The following UBE4A variants were observed in gnomAD, a reference collection of about 807,000 sequenced individuals.
UBE4A encodes the protein ubiquitin conjugation factor E4 A.
Under a neutral mutation model 117.9 loss-of-function variants are expected in UBE4A, and 48 were observed. The ratio of observed to expected loss-of-function variants is 0.41; its 90% CI spans 0.32 to 0.52. The LOEUF (loss-of-function observed/expected upper bound fraction) is 0.52, where lower values mean the gene tolerates loss of function less well. UBE4A is among the 20% of genes least tolerant of loss of function. The pLI is 0.33. For missense variants in UBE4A, 1,067 were observed against 1,296.3 expected (o/e 0.82, Z 2.72); for synonymous variants, 407 against 450.0 (o/e 0.90, Z 1.21).
intron 17 of UBE4A, among the ~76,000 whole-genome samples, chr11:118,390,445 TA>T (rs1183497857): frequency 6.9e-6 from 1 of 145,862 alleles, no homozygotes; most frequent in African/African-American, 2.5e-5. Flanking sequence ...ATAATTATAA[TA>T]AAATATATAT....
intron 4 of UBE4A, among the ~76,000 whole-genome samples, chr11:118,370,284 TTTC>T (rs1948598880): frequency 6.6e-6 from 1 of 152,146 alleles, no homozygotes; most frequent in Non-Finnish European, 1.5e-5. Context: ...CCCATCGCTT[TTTC>T]TTCTTTATAT....
chr11:118,373,976 T>C (rs961481435), intron 8 of UBE4A, among the ~76,000 whole-genome samples: 2 of 151,994 alleles, frequency 1.3e-5, no homozygotes, highest in African/African-American at 2.4e-5. Flanking sequence ...TAGGTGGGCA[T>C]GGTGGCAAGC....
At chr11:118,368,930 A>G (rs561056704) in intron 3 of UBE4A, 126 bp downstream of exon 3, 34 of 961,250 alleles carry the variant, frequency 3.5e-5, no homozygotes, top group African/African-American at 3.3e-4. Flanking sequence ...CCTGGAACTC[A>G]GGGTTTATAT....
chr11:118,388,734 A>G (rs1948783729), intron 16 of UBE4A, among the ~76,000 whole-genome samples: 3 of 152,198 alleles, frequency 2.0e-5, no homozygotes, highest in Non-Finnish European at 4.4e-5. Flanking sequence ...TGAAAATAGT[A>G]AAAATGTCCA....
intron 15 of UBE4A, among the ~76,000 whole-genome samples, chr11:118,385,175 G>A (rs375942170): frequency 6.6e-6 from 1 of 152,082 alleles, no homozygotes; most frequent in Admixed American, 6.6e-5. Flanking sequence ...TCATGAGATG[G>A]ACATTTTGGC....
At chr11:118,380,134 C>CGTGTGTGTGTGCGT (rs1948689960) in intron 11 of UBE4A, among the ~76,000 whole-genome samples, 2 of 136,938 alleles carry the variant, frequency 1.5e-5, no homozygotes. Flanking sequence ...TGTGTGTGTG[C>CGTGTGTGTGTGCGT]GTGTGTGTGT....
intron 16 of UBE4A, 33 bp from the exon 17 acceptor site, chr11:118,389,692 T>C: frequency 3.2e-6 from 5 of 1,551,656 alleles, no homozygotes; most frequent in East Asian, 4.6e-5. Flanking sequence ...TGCTAATGGA[T>C]TGAGTTTTCA....
At chr11:118,371,463 C>A in intron 4 of UBE4A, 51 bp from the exon 5 acceptor site, 2 of 1,554,446 alleles carry the variant, frequency 1.3e-6, no homozygotes, top group South Asian at 1.2e-5. Context: ...TCTTAATGTT[C>A]TCAGATTAAT....
chr11:118,380,997 G>A (rs782154776), intron 11 of UBE4A, among the ~76,000 whole-genome samples: 7 of 152,170 alleles, frequency 4.6e-5, no homozygotes, highest in Non-Finnish European at 7.3e-5. Flanking sequence ...ACTGCATAAG[G>A]TCATGAATAC....
chr11:118,386,017 G>T (rs1243936841), intron 15 of UBE4A, among the ~76,000 whole-genome samples: 1 of 152,200 alleles, frequency 6.6e-6, no homozygotes, highest in Non-Finnish European at 1.5e-5. Context: ...TCTTGCATAT[G>T]TGATAGAGCT....
intron 19 of UBE4A, among the ~76,000 whole-genome samples, chr11:118,393,690 G>A (rs879952221): frequency 3.3e-5 from 5 of 151,998 alleles, no homozygotes; most frequent in Non-Finnish European, 5.9e-5. Context: ...CCGCCTCCCA[G>A]GATCAAGTGA....
chr11:118,376,718 A>T, intron 10 of UBE4A, 24 bp downstream of exon 10: 1 of 1,610,460 alleles, frequency 6.2e-7, no homozygotes, highest in Non-Finnish European at 8.5e-7. Context: ...TGTCATTAGG[A>T]AAAAACAGTT....
At chr11:118,361,272 G>A (rs1361486544) in intron 1 of UBE4A, among the ~76,000 whole-genome samples, 1 of 152,014 alleles carries the variant, frequency 6.6e-6, no homozygotes, top group East Asian at 1.9e-4. Flanking sequence ...TGTCTGCCTT[G>A]GCCTCCCAAA....
chr11:118,390,930 A>T (rs1204719209), intron 18 of UBE4A, 126 bp downstream of exon 18: 198 of 1,240,688 alleles, frequency 1.6e-4, no homozygotes, highest in Non-Finnish European at 2.1e-4. Context: ...TAAGCCCAGG[A>T]GTTTGAAGCT....
chr11:118,369,493 G>T lies in UBE4A; in HGVS notation c.366G>T (p.Glu122Asp). ...RCVYLEEMAV[E>D]LEDQDWLDMS... ...TGTATTTGGAAGAAATGGCAGTAGA[G>T]CTAGAAGATCAAGACTGGCTTGATA... The change falls in exon 4 of 20, where the codon GAG (glutamate) becomes GAT (aspartate). Residue 122 changes from glutamate (E) to aspartate (D), a missense_variant. By Grantham distance (45) the Glu-to-Asp change is conservative. This residue lies in a region of UBE4A where 1,001 missense variants were observed against 1,184.0 expected (regional missense o/e 0.85). Transcript: ENST00000252108. 1.2e-6 allele frequency: 2 copies of T among 1,614,198 alleles called. No homozygotes were observed. Among genetic ancestry groups the T allele is most frequent in the Non-Finnish European group, 1.7e-6 (2 of 1,180,024 alleles).
intron 9 of UBE4A, among the ~76,000 whole-genome samples, chr11:118,375,762 A>G (rs1948647675): frequency 6.6e-6 from 1 of 152,176 alleles, no homozygotes; most frequent in Non-Finnish European, 1.5e-5. Flanking sequence ...GCAGCCTTGC[A>G]TATTCATTCA....
intron 19 of UBE4A, among the ~76,000 whole-genome samples, chr11:118,394,717 T>C (rs1418516814): frequency 1.3e-5 from 2 of 149,974 alleles, no homozygotes; most frequent in Non-Finnish European, 2.9e-5. Context: ...GAGGTTGCAG[T>C]GAGCCAAGAT....
intron 1 of UBE4A, among the ~76,000 whole-genome samples, chr11:118,363,195 A>T (rs1948533790): frequency 2.6e-5 from 4 of 152,174 alleles, no homozygotes. Context: ...TAAATATGGT[A>T]TCTTTCCCTT....
Position 118,368,602 on chromosome 11 carries a change from A to C in UBE4A, c.122-29A>C, listed in dbSNP as rs370767876. 42 of 1,611,042 alleles carry C rather than the reference A, an allele frequency of 2.6e-5. No individual in the cohort carries two copies. The African/African-American group carries it at 5.1e-4, about 19-fold the overall frequency. On this transcript the variant is annotated intron_variant, in intron 2 of 19. Coordinates refer to ENST00000252108, the MANE Select transcript of UBE4A (RefSeq NM_001204077.2). ...GCTTGGTTCTCTCTTAAAGGGGTGT[A>C]ACATTTAACAGTATACATTTTCTGG...
Sources: gnomAD v4.1 joint callset for allele counts (sites outside exome capture counted in the v4.1 genomes callset) on GRCh38, gnomAD v4.1.1 for gene constraint, gnomAD v4.1.1 regional missense constraint, MANE v1.5 for transcripts, NCBI Gene and HGNC (gene_info 2026-07-23, HGNC 2026-07-21) for gene names.